The following CERS4 variants were observed in gnomAD, a reference collection of about 807,000 sequenced individuals.
The protein encoded by CERS4 is ceramide synthase 4, also known as LAG1 homolog, ceramide synthase 4.
A neutral mutation model predicts 51.8 loss-of-function variants in CERS4; 65 were observed. The ratio of observed to expected loss-of-function variants is 1.26; its 90% CI spans 1.03 to 1.54. The LOEUF (loss-of-function observed/expected upper bound fraction) is 1.54, where lower values mean the gene tolerates loss of function less well. CERS4 is among the 40% of genes most tolerant of loss of function. The pLI, the probability that CERS4 is intolerant of heterozygous loss-of-function variation, is 0.00. For missense variants in CERS4, 563 were observed against 500.4 expected (o/e 1.13, Z -1.19); for synonymous variants, 228 against 208.4 (o/e 1.09, Z -0.81).
intron 2 of CERS4, chr19:8,238,462 T>A (rs1348236029): frequency 2.0e-6 from 2 of 977,404 alleles, no homozygotes; most frequent in Non-Finnish European, 2.4e-6. Flanking sequence ...CCTGGAGGCT[T>A]GGGGCTGGTC....
intron 2 of CERS4, among the ~76,000 whole-genome samples, chr19:8,220,276 T>C (rs1245039995): frequency 6.6e-6 from 1 of 150,732 alleles, no homozygotes; most frequent in Non-Finnish European, 1.5e-5. Flanking sequence ...CCGAGGCTCC[T>C]GTCTCTGCCA....
rs1568545207 is a variant in CERS4, at chr19:8,261,770, TTGC to T, written c.935_937del (p.Leu312del). On this transcript the variant is annotated inframe_deletion, in exon 11 of 12. Transcript: ENST00000251363. Reference sequence around the variant, plus strand: ...CTACTTCTTCAACGGGCTTCTGATGTTGCTGCAGCTGCTGCACGTGTTCTGGTC... The same window carrying T: ...CTACTTCTTCAACGGGCTTCTGATGTTGCAGCTGCTGCACGTGTTCTGGTC... 1 of 1,614,176 alleles carries T rather than the reference TTGC, an allele frequency of 6.2e-7. No individual in the cohort carries two copies. Among genetic ancestry groups the T allele is most frequent in the African/African-American group, 1.3e-5 (1 of 75,032 alleles).
At chr19:8,256,111 GA>G in intron 6 of CERS4, 124 bp from the exon 7 acceptor site, 1 of 1,133,640 alleles carries the variant, frequency 8.8e-7, no homozygotes, top group Non-Finnish European at 1.3e-6. Flanking sequence ...TGAGAAGCAG[GA>G]AAAAGCAGGG....
chr19:8,262,251 C>A lies in CERS4; in HGVS notation c.*142C>A. 1 of 858,788 alleles carries A rather than the reference C, an allele frequency of 1.2e-6. No individual in the cohort carries two copies. The highest frequency in any genetic ancestry group is 3.0e-5 in the East Asian group (1 of 33,278). 53.2% of individuals were successfully genotyped at this position (858,788 alleles called of 1,614,324 possible). ...GTGGGTGGGAAGGCTGATGATCTGT[C>A]TCCAGCCCCTTCCTTCTGCCCACCC... On this transcript the variant is annotated 3_prime_UTR_variant, in exon 12 of 12. Transcript: ENST00000251363.
intron 4 of CERS4, among the ~76,000 whole-genome samples, chr19:8,254,878 C>A (rs1010997099): frequency 1.3e-5 from 2 of 151,982 alleles, no homozygotes; most frequent in South Asian, 2.1e-4. Flanking sequence ...GATGAGGACC[C>A]CCCCCTTCCC....
In CERS4 at chr19:8,262,198, T is replaced by C; in HGVS notation, c.*89T>C. 7.4e-7 allele frequency: 1 copy of C among 1,343,458 alleles called. No individual in the cohort carries two copies. The highest frequency in any genetic ancestry group is 9.6e-7 in the Non-Finnish European group (1 of 1,042,714). 83.2% of individuals were successfully genotyped at this position (1,343,458 alleles called of 1,614,324 possible). On this transcript the variant is annotated 3_prime_UTR_variant, in exon 12 of 12. Transcript: ENST00000251363. ...TGGACTGGCGCCCCTGGGCCACCTT[T>C]CTGGAGACAGGGAGGGCCCCACCCG...
intron 2 of CERS4, among the ~76,000 whole-genome samples, chr19:8,231,855 T>C (rs1170844376): frequency 6.2e-5 from 3 of 48,608 alleles, no homozygotes; most frequent in Non-Finnish European, 1.7e-4. Flanking sequence ...CCCAGCATTT[T>C]TTTTTTTTTT....
Position 8,262,394 on chromosome 19 carries a change from G to A in CERS4, c.*285G>A, listed in dbSNP as rs1969754934. On this transcript the variant is annotated 3_prime_UTR_variant, in exon 12 of 12. Transcript: ENST00000251363. ...GCTGGGGGGAGCCCCAGGCTGAAAA[G>A]GGTCCAATTAAAACAAATGGAGCCA... 1 of 367,596 alleles carries A rather than the reference G, an allele frequency of 2.7e-6. No individual in the cohort carries two copies. Among genetic ancestry groups the A allele is most frequent in the Non-Finnish European group, 4.8e-6 (1 of 206,410 alleles). The allele number at this position is 367,596 out of a possible 1,614,324, so 22.8% of individuals were successfully genotyped here. A position where few individuals can be genotyped will look rare whatever the true frequency, so the allele number is the denominator to read the frequency against.
intron 2 of CERS4, among the ~76,000 whole-genome samples, chr19:8,223,550 C>T (rs1300386657): frequency 6.6e-6 from 1 of 151,862 alleles, no homozygotes; most frequent in Non-Finnish European, 1.5e-5. Context: ...ACCTGGGAGG[C>T]GGAGGTTGCA....
chr19:8,211,922 C>CATGCCT (rs1353904731), intron 2 of CERS4, among the ~76,000 whole-genome samples: 2 of 147,974 alleles, frequency 1.4e-5, no homozygotes, highest in African/African-American at 5.0e-5. Context: ...AATTCAGAGT[C>CATGCCT]ATGCCTGGGG....
chr19:8,256,614 G>A lies in CERS4; in HGVS notation c.520-4G>A. 6.2e-7 allele frequency: 1 copy of A among 1,610,062 alleles called. No homozygotes were observed. Among genetic ancestry groups the A allele is most frequent in the Non-Finnish European group, 8.5e-7 (1 of 1,178,346 alleles). On this transcript the variant is annotated splice_region_variant and splice_polypyrimidine_tract_variant and intron_variant, in intron 7 of 11. Coordinates refer to ENST00000251363, the MANE Select transcript of CERS4 (RefSeq NM_024552.3). ...ACAGCTAACCTTGTCCTGTCCTGCT[G>A]CAGACTCTGAAGCCATCCCTGTACT...
At chr19:8,209,658 C>T (rs1378191063) in intron 1 of CERS4, 164 bp downstream of exon 1, 2 of 152,466 alleles carry the variant, frequency 1.3e-5, no homozygotes, top group Non-Finnish European at 2.9e-5. Context: ...GGCTTCCCAT[C>T]ATGGCCGTCT....
intron 2 of CERS4, among the ~76,000 whole-genome samples, chr19:8,213,792 C>T (rs1967177219): frequency 6.6e-6 from 1 of 152,018 alleles, no homozygotes; most frequent in Admixed American, 6.6e-5. Context: ...ATAGTGAAAC[C>T]CCGTCTCTAC....
In CERS4 at chr19:8,256,569, G is replaced by A. The variant is rs545431365; in HGVS notation, c.520-49G>A. On this transcript the variant is annotated intron_variant, in intron 7 of 11. Coordinates refer to ENST00000251363, the MANE Select transcript of CERS4 (RefSeq NM_024552.3). ...TGGGCCCGGAGCCATACCCCTGCCC[G>A]ATTGGAGCCTTCGCTCCCCACAGCT... is the stretch of plus-strand genomic sequence containing the variant. 1.3e-5 allele frequency: 20 copies of A among 1,552,140 alleles called. No homozygotes were observed. The East Asian group carries it at 2.2e-4, about 17-fold the overall frequency.
chr19:8,217,644 C>A (rs1293820439), intron 2 of CERS4, among the ~76,000 whole-genome samples: 2 of 151,354 alleles, frequency 1.3e-5, no homozygotes, highest in Non-Finnish European at 2.9e-5. Context: ...TCATGTCATT[C>A]TCCTGCCTCA....
rs1398848126 is a variant in CERS4 at position 8,261,678 on chromosome 19, C to T, written c.849-10C>T. The T allele has an allele frequency of 2.5e-6, 4 of 1,613,938 alleles. No individual in the cohort carries two copies. In the South Asian group the frequency reaches 4.4e-5, roughly 18 times the overall value. ...CAAACCCCAGCCTCCTCCTCTCCCC[C>T]TGGCTGTAGGATCCTCTACACCACA... is the stretch of plus-strand genomic sequence containing the variant. On this transcript the variant is annotated splice_polypyrimidine_tract_variant and intron_variant, in intron 10 of 11. Coordinates refer to ENST00000251363, the MANE Select transcript of CERS4 (RefSeq NM_024552.3).
At chr19:8,254,438 C>G in intron 3 of CERS4, 61 bp from the exon 4 acceptor site, 1 of 1,511,206 alleles carries the variant, frequency 6.6e-7, no homozygotes, top group Middle Eastern at 1.7e-4. Context: ...TGTCTGCCCC[C>G]ACACACAGGC....
chr19:8,256,417 C>A, intron 7 of CERS4, 131 bp downstream of exon 7: 1 of 1,126,788 alleles, frequency 8.9e-7, no homozygotes. Context: ...TCTTTGATTC[C>A]TCTGGGGAAT....
At chr19:8,240,600 G>GTGTT in intron 2 of CERS4, 1 of 152,456 alleles carries the variant, frequency 6.6e-6, no homozygotes, top group Non-Finnish European at 1.5e-5. Context: ...GTGTGTGTGT[G>GTGTT]TGTGTGTGTG....
Sources: gnomAD v4.1 joint callset for allele counts (sites outside exome capture counted in the v4.1 genomes callset) on GRCh38, gnomAD v4.1.1 for gene constraint, MANE v1.5 for transcripts, NCBI Gene and HGNC (gene_info 2026-07-23, HGNC 2026-07-21) for gene names.